FANCM: variants seen among roughly 807,000 people sequenced by gnomAD.
The protein encoded by FANCM is Fanconi anemia group M protein.
A neutral mutation model predicts 199.5 loss-of-function variants in FANCM; 140 were observed. The observed-to-expected ratio is 0.70, with a 90% CI of 0.61 to 0.81. FANCM has a LOEUF of 0.81. FANCM is among the 30% of genes least tolerant of loss of function. The pLI, the probability that FANCM is intolerant of heterozygous loss-of-function variation, is 0.00. For synonymous variants in FANCM, 840 were observed against 836.8 expected (o/e 1.00, Z -0.07); for missense variants, 2,410 against 2,421.4 (o/e 1.00, Z 0.10).
intron 20 of FANCM, among the ~76,000 whole-genome samples, chr14:45,192,853 T>G (rs1889850990): frequency 6.6e-6 from 1 of 151,854 alleles, no homozygotes; most frequent in Non-Finnish European, 1.5e-5. Context: ...AAAAAAAATT[T>G]CAGCTAAAAC....
In FANCM at chr14:45,173,303, C is replaced by T. The variant is rs577895340; in HGVS notation, c.2316+93C>T. 4 of 1,163,012 alleles carry T rather than the reference C, an allele frequency of 3.4e-6. No homozygotes were observed. The South Asian group carries it at 5.0e-5, about 14-fold the overall frequency. 72.0% of individuals were successfully genotyped at this position (1,163,012 alleles called of 1,614,324 possible). A position where few individuals can be genotyped will look rare whatever the true frequency, so the allele number is the denominator to read the frequency against. On this transcript the variant is annotated intron_variant, in intron 13 of 22. Transcript: ENST00000267430. Reference sequence around the variant, plus strand: ...TCTTAATTTGAAGTAATAAGAAATACTTTGTTTTTCTGTATAGTTCCTTGT... The same window carrying T: ...TCTTAATTTGAAGTAATAAGAAATATTTTGTTTTTCTGTATAGTTCCTTGT...
intron 14 of FANCM, among the ~76,000 whole-genome samples, chr14:45,179,804 C>T (rs1184436732): frequency 1.3e-5 from 2 of 152,102 alleles, no homozygotes; most frequent in Non-Finnish European, 2.9e-5. Flanking sequence ...ATGTGATCCG[C>T]CTGCCTCTGC....
intron 16 of FANCM, 142 bp from the exon 17 acceptor site, chr14:45,183,632 A>G: frequency 1.7e-6 from 1 of 597,684 alleles, no homozygotes. Flanking sequence ...ATATTACCTA[A>G]GTTATTTACT....
intron 16 of FANCM, 36 bp downstream of exon 16, chr14:45,181,741 T>C (rs1417785966): frequency 9.0e-6 from 12 of 1,339,552 alleles, no homozygotes; most frequent in Non-Finnish European, 1.1e-5. Flanking sequence ...GTAATCCAAA[T>C]TCCTTTGGAA....
rs1288545621 is a variant in FANCM at position 45,176,989 on chromosome 14, C to T, written c.4222+13C>T. On this transcript the variant is annotated intron_variant, in intron 14 of 22. Coordinates refer to ENST00000267430, the MANE Select transcript of FANCM (RefSeq NM_020937.4). Reference sequence around the variant, plus strand: ...CATTCTGTTGAAGGTAAGATTCCATCTTTATAAAGTCTATAACTCTTTCTA... The same window carrying T: ...CATTCTGTTGAAGGTAAGATTCCATTTTTATAAAGTCTATAACTCTTTCTA... 1 of 1,463,152 alleles carries T rather than the reference C, an allele frequency of 6.8e-7. No individual in the cohort carries two copies. The highest frequency in any genetic ancestry group is 9.6e-7 in the Non-Finnish European group (1 of 1,044,276). The allele number at this position is 1,463,152 out of a possible 1,614,324, so 90.6% of individuals were successfully genotyped here.
intron 22 of FANCM, 34 bp from the exon 23 acceptor site, chr14:45,199,836 C>G: frequency 6.2e-7 from 1 of 1,602,796 alleles, no homozygotes. Context: ...GCCAAAAGTC[C>G]TAGTGTAATG....
chr14:45,136,211 G>A lies in FANCM; in HGVS notation c.180G>A (p.Ala60=). The A allele has an allele frequency of 1.2e-6, 2 of 1,614,160 alleles. No individual in the cohort carries two copies. The highest frequency in any genetic ancestry group is 2.2e-5 in the East Asian group (1 of 44,882). ...CGGACGATGATGTGTTGCTTGTCGCGGCGTACGAGGCTGAGCGGCAGTTGT... is the reference window on the plus strand; with the variant it reads ...CGGACGATGATGTGTTGCTTGTCGCAGCGTACGAGGCTGAGCGGCAGTTGT... ...LESDDDVLLV[A]AYEAERQLCL... Residue 60 remains alanine, a synonymous_variant, in exon 1 of 23, where the codon GCG becomes GCA. Coordinates refer to ENST00000267430, the MANE Select transcript of FANCM (RefSeq NM_020937.4).
intron 11 of FANCM, among the ~76,000 whole-genome samples, chr14:45,170,016 T>A (rs1480440319): frequency 6.6e-6 from 1 of 152,182 alleles, no homozygotes; most frequent in African/African-American, 2.4e-5. Flanking sequence ...CCAATACTGC[T>A]ATGATAGAAT....
At chr14:45,153,242 A>G (rs1886947181) in intron 5 of FANCM, among the ~76,000 whole-genome samples, 1 of 152,184 alleles carries the variant, frequency 6.6e-6, no homozygotes, top group African/African-American at 2.4e-5. Flanking sequence ...CTTAGCCAAA[A>G]TTCCTGGGTC....
At chr14:45,171,207 A>G (rs1021237023) in intron 12 of FANCM, among the ~76,000 whole-genome samples, 1 of 151,758 alleles carries the variant, frequency 6.6e-6, no homozygotes, top group Admixed American at 6.6e-5. Context: ...CCTGGACTCA[A>G]GTGATCCTCC....
chr14:45,179,369 A>G (rs910060083), intron 14 of FANCM, among the ~76,000 whole-genome samples: 1 of 152,060 alleles, frequency 6.6e-6, no homozygotes, highest in Non-Finnish European at 1.5e-5. Context: ...ATCTTTGCCT[A>G]GAAAATTTCT....
In FANCM at chr14:45,199,952, GACAT is replaced by G; in HGVS notation, c.6095_6098del (p.Ile2032LysfsTer12). 1.2e-6 allele frequency: 2 copies of G among 1,602,610 alleles called. No homozygotes were observed. The highest frequency in any genetic ancestry group is 1.1e-5 in the South Asian group (1 of 90,794). The stretch of plus-strand genomic sequence containing the variant: ...CTATAGATATATTCACTATGTATTT[GACAT>G]ACAAATGTTACCAAATGATCTTAAC... On this transcript the variant is annotated frameshift_variant, in exon 23 of 23. Transcript: ENST00000267430. LOFTEE classifies it low-confidence loss of function (END_TRUNC).
At chr14:45,173,357 T>C in intron 13 of FANCM, 147 bp downstream of exon 13, 2 of 715,404 alleles carry the variant, frequency 2.8e-6, no homozygotes, top group East Asian at 2.7e-5. Context: ...GTTTTCTGCC[T>C]TAAGAGAAGA....
intron 17 of FANCM, among the ~76,000 whole-genome samples, chr14:45,184,182 G>T (rs1005314159): frequency 6.6e-6 from 1 of 151,986 alleles, no homozygotes; most frequent in African/African-American, 2.4e-5. Flanking sequence ...AGAAAATATA[G>T]AATTAGAAAT....
In FANCM at chr14:45,188,298, C is replaced by G. The variant is rs181440798; in HGVS notation, c.4779+411C>G. On this transcript the variant is annotated intron_variant, in intron 19 of 22. Coordinates refer to ENST00000267430, the MANE Select transcript of FANCM (RefSeq NM_020937.4). Reference sequence around the variant, plus strand: ...AGGTTGCAATGAGCCAAGATTGCACCATTGCACTCCAGCCTGGGCGACAAG... The same window carrying G: ...AGGTTGCAATGAGCCAAGATTGCACGATTGCACTCCAGCCTGGGCGACAAG... Among the ~76,000 whole-genome samples the G allele has an allele frequency of 2.9e-3, 438 of 152,274 alleles. 5 individuals carry two copies. The highest frequency in any genetic ancestry group is 0.021 in the Admixed American group (317 of 15,306).
chr14:45,171,294 A>G (rs906769101), intron 12 of FANCM, among the ~76,000 whole-genome samples: 14 of 152,030 alleles, frequency 9.2e-5, no homozygotes, highest in African/African-American at 3.1e-4. Flanking sequence ...TACTAACATA[A>G]ATTATGCTTT....
chr14:45,173,474 T>C (rs1232729262), intron 13 of FANCM, among the ~76,000 whole-genome samples: 4 of 152,236 alleles, frequency 2.6e-5, no homozygotes, highest in Non-Finnish European at 5.9e-5. Context: ...GTAAACCTTA[T>C]TTAGGATTCT....
At chr14:45,164,752 T>C (rs1251277344) in intron 10 of FANCM, among the ~76,000 whole-genome samples, 187 bp downstream of exon 10, 1 of 152,188 alleles carries the variant, frequency 6.6e-6, no homozygotes, top group African/African-American at 2.4e-5. Context: ...AGTTTGCTAA[T>C]TTTTATCCAT....
chr14:45,188,028 G>T (rs146827944), intron 19 of FANCM, 141 bp downstream of exon 19: 7 of 646,050 alleles, frequency 1.1e-5, no homozygotes, highest in African/African-American at 3.7e-5. Context: ...CAGGAAGCTC[G>T]ACTAAATGGA....
Sources: gnomAD v4.1 joint callset for allele counts (sites outside exome capture counted in the v4.1 genomes callset) on GRCh38, gnomAD v4.1.1 for gene constraint, MANE v1.5 for transcripts, NCBI Gene and HGNC (gene_info 2026-07-23, HGNC 2026-07-21) for gene names.